Variants in PTPRE observed in about 807,000 individuals in gnomAD.
The protein encoded by PTPRE is protein tyrosine phosphatase receptor type E.
A neutral mutation model predicts 102.0 loss-of-function variants in PTPRE; 51 were observed. The observed-to-expected ratio is 0.50, with a 90% CI of 0.40 to 0.63. PTPRE has a LOEUF of 0.63. Ranked by LOEUF, PTPRE falls within the 30% of genes least tolerant of loss-of-function variation. The pLI, the probability that PTPRE is intolerant of heterozygous loss-of-function variation, is 0.00. For synonymous variants in PTPRE, 345 were observed against 348.2 expected, an observed-to-expected ratio of 0.99 and a Z score of 0.10; for missense variants, 752 against 915.1, an observed-to-expected ratio of 0.82 and a Z score of 2.30.
rs1844697824 is a variant in PTPRE, at chr10:128,008,463, A to T, written c.-8+26167A>T. On this transcript the variant is annotated intron_variant, in intron 2 of 20. Transcript: ENST00000254667. This position sits in a 1 kb window ranked among gnomAD's most constrained non-coding sequence, Gnocchi z 4.0. ...AGTTTCAGTAGCCAGGGATAATGTC[A>T]AACAGCCAGTCCCGGGTTTCTAAAC... 6.6e-6 allele frequency among the ~76,000 whole-genome samples: 1 copy of T among 152,208 alleles called. No individual in the cohort carries two copies. Among genetic ancestry groups the T allele is most frequent in the African/African-American group, 2.4e-5 (1 of 41,446 alleles).
chr10:127,987,039 G>A (rs1252100235), intron 2 of PTPRE, among the ~76,000 whole-genome samples: 1 of 152,212 alleles, frequency 6.6e-6, no homozygotes, highest in Non-Finnish European at 1.5e-5. Flanking sequence ...TTGACAGTAA[G>A]TTGGAAGAAT....
At chr10:128,059,429 T>C (rs1464904822) in intron 7 of PTPRE, among the ~76,000 whole-genome samples, 1 of 152,168 alleles carries the variant, frequency 6.6e-6, no homozygotes, top group African/African-American at 2.4e-5. Context: ...CCTGGCAGCC[T>C]TCCAGGTGAA....
At chr10:127,964,870 C>T (rs996976674) in intron 1 of PTPRE, 4 of 389,460 alleles carry the variant, frequency 1.0e-5, no homozygotes, top group Non-Finnish European at 2.0e-5. Flanking sequence ...AAGCCGAGCT[C>T]ATCAGCGGGC....
At position 127,944,906 on chromosome 10, in the gene PTPRE, T is replaced by C. The variant is rs1848520786; in HGVS notation, c.-30-37368T>C. On this transcript the variant is annotated intron_variant, in intron 1 of 20. Transcript: ENST00000254667. This position sits in a 1 kb window ranked among gnomAD's most constrained non-coding sequence, Gnocchi z 4.2. ...GGAATCAGTGACTGTTCTTTAGATG[T>C]GTGGGGAAAAAGAGGGCGGCATCTA... Among the ~76,000 whole-genome samples, 1 of 152,034 alleles carries C rather than the reference T, an allele frequency of 6.6e-6. No individual in the cohort carries two copies. Among genetic ancestry groups the C allele is most frequent in the East Asian group, 1.9e-4 (1 of 5,182 alleles).
At chr10:127,934,684 T>C (rs1277234627) in intron 1 of PTPRE, 1 of 152,496 alleles carries the variant, frequency 6.6e-6, no homozygotes, top group African/African-American at 2.4e-5. Context: ...TGGCCTGCTC[T>C]GCTGAGGTTG....
At chr10:128,040,062 A>G (rs996238338) in intron 2 of PTPRE, among the ~76,000 whole-genome samples, 11 of 151,864 alleles carry the variant, frequency 7.2e-5, no homozygotes, top group African/African-American at 2.4e-5. Flanking sequence ...GGGCATTCCC[A>G]CCCCCTACCC....
chr10:128,041,720 T>C (rs1847717705), intron 3 of PTPRE, among the ~76,000 whole-genome samples: 3 of 152,134 alleles, frequency 2.0e-5, no homozygotes, highest in Admixed American at 2.0e-4. Context: ...TGGTTAGTTT[T>C]ATTTTTAAAA....
intron 3 of PTPRE, among the ~76,000 whole-genome samples, chr10:128,041,612 C>T (rs932871438): frequency 8.1e-6 from 1 of 123,402 alleles, no homozygotes; most frequent in Non-Finnish European, 1.6e-5. Flanking sequence ...TGTGCCACTG[C>T]ACTCTTGCCT....
intron 20 of PTPRE, 115 bp from the exon 21 acceptor site, chr10:128,082,717 T>C (rs1246435852): frequency 1.1e-5 from 13 of 1,212,066 alleles, no homozygotes; most frequent in Non-Finnish European, 1.3e-5. Context: ...TAAAGGTATA[T>C]GGTATTTTAA....
At chr10:128,079,276 G>C (rs866173725) in intron 19 of PTPRE, among the ~76,000 whole-genome samples, 95 of 152,318 alleles carry the variant, frequency 6.2e-4, no homozygotes, top group African/African-American at 2.0e-3. Flanking sequence ...ACAAGGAAGA[G>C]GGGAAATGGT....
chr10:128,069,550 C>T (rs1590219240), intron 12 of PTPRE, 142 bp from the exon 13 acceptor site: 6 of 1,117,556 alleles, frequency 5.4e-6, no homozygotes, highest in African/African-American at 3.1e-5. Context: ...CCTCTGGTGG[C>T]TGCACTGTAG....
intron 17 of PTPRE, 79 bp downstream of exon 17, chr10:128,073,550 C>T (rs776875265): frequency 1.5e-4 from 224 of 1,507,614 alleles, no homozygotes; most frequent in Non-Finnish European, 1.8e-4. Flanking sequence ...TACAAATGTC[C>T]CACCTGCCAT....
At chr10:127,938,213 G>A (rs932837) in intron 1 of PTPRE, among the ~76,000 whole-genome samples, 21,480 of 152,102 alleles carry the variant, frequency 0.14, 1,657 homozygotes, top group East Asian at 0.24. Flanking sequence ...TGAGATAATC[G>A]TTGTAAAGGA....
At chr10:128,026,728 TA>T (rs1194111145) in intron 2 of PTPRE, among the ~76,000 whole-genome samples, 1 of 152,236 alleles carries the variant, frequency 6.6e-6, no homozygotes, top group Non-Finnish European at 1.5e-5. Context: ...CCAACTGAGA[TA>T]AAAAGCAAGC....
At chr10:128,026,797 G>A (rs969052130) in intron 2 of PTPRE, among the ~76,000 whole-genome samples, 4 of 152,188 alleles carry the variant, frequency 2.6e-5, no homozygotes, top group African/African-American at 9.7e-5. Context: ...CCAGCTCACC[G>A]TGGCTACATC....
chr10:127,976,378 T>C (rs569296713), intron 1 of PTPRE, among the ~76,000 whole-genome samples: 42 of 152,214 alleles, frequency 2.8e-4, no homozygotes, highest in Non-Finnish European at 5.9e-4. Context: ...AGGATTTGTC[T>C]GGCTTTCTAA....
At chr10:128,071,955 A>C (rs540279076) in intron 15 of PTPRE, 183 bp from the exon 16 acceptor site, 19 of 551,800 alleles carry the variant, frequency 3.4e-5, no homozygotes, top group Non-Finnish European at 1.3e-5. Flanking sequence ...GTTTTCCTTC[A>C]AAAAGAAAAA....
At chr10:127,945,170 G>A (rs1396162833) in intron 1 of PTPRE, among the ~76,000 whole-genome samples, 1 of 152,178 alleles carries the variant, frequency 6.6e-6, no homozygotes, top group African/African-American at 2.4e-5. Context: ...TACCTGGTTG[G>A]TTTTCGAAGT....
intron 3 of PTPRE, 74 bp from the exon 4 acceptor site, chr10:128,047,316 G>A (rs1848175280): frequency 1.3e-6 from 2 of 1,544,216 alleles, no homozygotes; most frequent in Admixed American, 1.9e-5. Context: ...CAGGAAGAAG[G>A]GCTTATGGAG....
Sources: allele counts gnomAD v4.1 joint callset (sites outside exome capture counted in the v4.1 genomes callset), GRCh38; gene constraint gnomAD v4.1.1; non-coding constraint Gnocchi (gnomAD v3.1); transcripts MANE v1.5; gene names NCBI Gene and HGNC (gene_info 2026-07-23, HGNC 2026-07-21).